The following CAMSAP1 variants were observed in gnomAD, a reference collection of about 807,000 sequenced individuals.
CAMSAP1 encodes the protein calmodulin regulated spectrin associated protein 1.
CAMSAP1 carries 58 observed loss-of-function variants against 143.5 expected under a neutral mutation model. That is an observed-to-expected ratio of 0.40 (90% CI 0.33 to 0.50). The LOEUF (loss-of-function observed/expected upper bound fraction) is 0.50. Ranked by LOEUF, CAMSAP1 falls within the 20% of genes least tolerant of loss-of-function variation. The pLI, the probability that CAMSAP1 is intolerant of heterozygous loss-of-function variation, is 0.45. For missense variants in CAMSAP1, 1,969 were observed against 2,115.7 expected (o/e 0.93, Z 1.36); for synonymous variants, 945 against 859.3 (o/e 1.10, Z -1.74).
intron 5 of CAMSAP1, among the ~76,000 whole-genome samples, chr9:135,854,424 T>G (rs533241989): frequency 6.6e-6 from 1 of 152,320 alleles, no homozygotes; most frequent in East Asian, 1.9e-4. Context: ...CTCTAGAACT[T>G]TGGAATTTTT....
intron 1 of CAMSAP1, among the ~76,000 whole-genome samples, chr9:135,905,606 A>T (rs1588518208): frequency 6.6e-6 from 1 of 152,256 alleles, no homozygotes; most frequent in East Asian, 1.9e-4. Context: ...GGAAAAGTGA[A>T]GATGAAGTCA....
chr9:135,844,818 G>A (rs1836495061), intron 7 of CAMSAP1, among the ~76,000 whole-genome samples: 1 of 151,994 alleles, frequency 6.6e-6, no homozygotes, highest in East Asian at 1.9e-4. Context: ...GACTAAACCA[G>A]GAAAAAGTCA....
At chr9:135,879,450 A>T (rs1013052252) in intron 3 of CAMSAP1, among the ~76,000 whole-genome samples, 1 of 152,128 alleles carries the variant, frequency 6.6e-6, no homozygotes, top group East Asian at 1.9e-4. Flanking sequence ...TTCACCAGAG[A>T]AGGAGAGTAA....
chr9:135,864,261 G>T (rs1276146645), intron 4 of CAMSAP1, among the ~76,000 whole-genome samples: 2 of 152,174 alleles, frequency 1.3e-5, no homozygotes, highest in South Asian at 2.1e-4. Flanking sequence ...ACTAAATCAC[G>T]TAAGTGCTTT....
At chr9:135,825,853 G>A (rs969329350) in intron 8 of CAMSAP1, among the ~76,000 whole-genome samples, 4 of 152,174 alleles carry the variant, frequency 2.6e-5, no homozygotes, top group African/African-American at 7.2e-5. Flanking sequence ...ACCAGAGTCA[G>A]GACACAGACA....
chr9:135,877,485 T>A (rs1451329648), intron 3 of CAMSAP1, among the ~76,000 whole-genome samples: 3 of 138,200 alleles, frequency 2.2e-5, no homozygotes, highest in Admixed American at 1.5e-4. Flanking sequence ...TACATCTCAG[T>A]AGAGCTGTCT....
chr9:135,824,912 T>A lies in CAMSAP1; in HGVS notation c.1224-32A>T. ...GGAAAAAGAATTACAGGGAAAATCA[T>A]TCCTTTATCAAACTTCAAGGTCAAC... On this transcript the variant is annotated intron_variant, in intron 8 of 16. Transcript: ENST00000389532. The surrounding 1 kb of genome is among the most constrained non-coding windows in gnomAD (Gnocchi z 4.1). The A allele has an allele frequency of 6.6e-7, 1 of 1,523,556 alleles. No individual in the cohort carries two copies. Among genetic ancestry groups the A allele is most frequent in the Non-Finnish European group, 8.9e-7 (1 of 1,121,036 alleles). The allele number at this position is 1,523,556 out of a possible 1,614,324, so 94.4% of individuals were successfully genotyped here. A position where few individuals can be genotyped will look rare whatever the true frequency, so the allele number is the denominator to read the frequency against.
chr9:135,899,418 A>T (rs765288840), intron 1 of CAMSAP1, among the ~76,000 whole-genome samples: 282 of 118,468 alleles, frequency 2.4e-3, no homozygotes, highest in Non-Finnish European at 3.9e-3. Context: ...TGTCTCTATT[A>T]AAAAAAAAAA....
At chr9:135,835,449 T>A (rs932974199) in intron 7 of CAMSAP1, among the ~76,000 whole-genome samples, 1 of 152,196 alleles carries the variant, frequency 6.6e-6, no homozygotes, top group Non-Finnish European at 1.5e-5. Context: ...CCTTAGTGAT[T>A]ATGGTGAATG....
chr9:135,845,745 A>C (rs781112375), intron 7 of CAMSAP1, among the ~76,000 whole-genome samples: 4 of 152,212 alleles, frequency 2.6e-5, no homozygotes, highest in Non-Finnish European at 5.9e-5. Context: ...GAGCCAAATC[A>C]TGAGTGAACT....
At chr9:135,833,467 A>G (rs1323265411) in intron 7 of CAMSAP1, among the ~76,000 whole-genome samples, 4 of 152,248 alleles carry the variant, frequency 2.6e-5, no homozygotes, top group Non-Finnish European at 5.9e-5. Context: ...AAACACTATC[A>G]TACTGGCATA....
intron 7 of CAMSAP1, among the ~76,000 whole-genome samples, chr9:135,837,441 A>G (rs1588460131): frequency 6.7e-6 from 1 of 148,200 alleles, no homozygotes; most frequent in African/African-American, 2.5e-5. Flanking sequence ...CCCCTTCTAC[A>G]GACACACGTC....
chr9:135,817,929 T>G (rs752482948), intron 14 of CAMSAP1, 48 bp downstream of exon 14: 5 of 1,527,158 alleles, frequency 3.3e-6, no homozygotes, highest in Non-Finnish European at 4.5e-6. Flanking sequence ...ACCCTGCCCC[T>G]CCGAACGTCC....
rs1217449112 is a variant in CAMSAP1, at chr9:135,882,633, C to A, written c.423+183G>T. On this transcript the variant is annotated intron_variant, in intron 2 of 16. Transcript: ENST00000389532. This position sits in a 1 kb window ranked among gnomAD's most constrained non-coding sequence, Gnocchi z 4.9. ...CAATGAAAGCTCTCTTTTCCCCATTCTCCACAACAGTCATGTGCTTTAAAA... is the reference window on the plus strand; with the variant it reads ...CAATGAAAGCTCTCTTTTCCCCATTATCCACAACAGTCATGTGCTTTAAAA... Among the ~76,000 whole-genome samples, 6 of 152,228 alleles carry A rather than the reference C, an allele frequency of 3.9e-5. No individual in the cohort carries two copies. The highest frequency in any genetic ancestry group is 1.4e-4 in the African/African-American group (6 of 41,466).
At position 135,821,090 on chromosome 9, in the gene CAMSAP1, G is replaced by C. The variant is rs1322900119; in HGVS notation, c.3571C>G (p.Leu1191Val). 6.2e-7 allele frequency: 1 copy of C among 1,613,864 alleles called. No individual in the cohort carries two copies. The highest frequency in any genetic ancestry group is 2.2e-5 in the East Asian group (1 of 44,898). The change falls in exon 11 of 17, where the codon CTT (leucine) becomes GTT (valine). Residue 1191 changes from leucine (L) to valine (V), a missense_variant. Leu to Val is a conservative substitution (Grantham distance 32, BLOSUM62 1). This residue lies in a region of CAMSAP1 where 1,390 missense variants were observed against 1,420.8 expected (regional missense o/e 0.98). Coordinates refer to ENST00000389532, the MANE Select transcript of CAMSAP1 (RefSeq NM_015447.4). The surrounding 1 kb of genome is among the most constrained non-coding windows in gnomAD (Gnocchi z 4.6). ...TLSSSKDANI[L>V]SEQMSLKEVL... The stretch of plus-strand genomic sequence containing the variant: ...TCTTTGAGGCTCATCTGCTCCGAAA[G>C]AATGTTGGCATCTTTGGAAGAGGAC...
intron 16 of CAMSAP1, among the ~76,000 whole-genome samples, chr9:135,814,596 C>A (rs764225839): frequency 6.6e-6 from 1 of 152,182 alleles, no homozygotes; most frequent in Non-Finnish European, 1.5e-5. Flanking sequence ...TCAGCGGGTG[C>A]GCGCCTCTTC....
intron 7 of CAMSAP1, among the ~76,000 whole-genome samples, chr9:135,828,691 C>A (rs1171807352): frequency 6.6e-6 from 1 of 152,206 alleles, no homozygotes; most frequent in Non-Finnish European, 1.5e-5. Context: ...GGCCAGTATC[C>A]CTGCTGGCCC....
rs781265399 is a variant in CAMSAP1, at chr9:135,823,918, C to T, written c.1400+32G>A. 1.2e-5 allele frequency: 18 copies of T among 1,531,828 alleles called. No individual in the cohort carries two copies. The South Asian group carries it at 2.0e-4, about 17-fold the overall frequency. The allele number at this position is 1,531,828 out of a possible 1,614,324, so 94.9% of individuals were successfully genotyped here. On this transcript the variant is annotated intron_variant, in intron 10 of 16. Coordinates refer to ENST00000389532, the MANE Select transcript of CAMSAP1 (RefSeq NM_015447.4). Reference sequence around the variant, plus strand: ...CTGCTGTTTAGTATAAAAAACATTCCAAACAGAAACACTGCTGAAACACAG... The same window carrying T: ...CTGCTGTTTAGTATAAAAAACATTCTAAACAGAAACACTGCTGAAACACAG...
intron 7 of CAMSAP1, among the ~76,000 whole-genome samples, chr9:135,829,850 C>A (rs1331132391): frequency 7.0e-6 from 1 of 142,704 alleles, no homozygotes; most frequent in Non-Finnish European, 1.5e-5. Context: ...GAGACTCTGT[C>A]ATAAATAAAT....
Sources: gnomAD v4.1 joint callset for allele counts (sites outside exome capture counted in the v4.1 genomes callset) on GRCh38, gnomAD v4.1.1 for gene constraint, gnomAD v4.1.1 regional missense constraint, Gnocchi (gnomAD v3.1) non-coding constraint, MANE v1.5 for transcripts, NCBI Gene and HGNC (gene_info 2026-07-23, HGNC 2026-07-21) for gene names.